Variants in COL5A2 observed in about 807,000 individuals in gnomAD.
The protein encoded by COL5A2 is collagen alpha-2(V) chain.
A neutral mutation model predicts 208.2 loss-of-function variants in COL5A2; 23 were observed. The observed-to-expected ratio is 0.11, with a 90% CI of 0.08 to 0.16. COL5A2 has a LOEUF of 0.16. Ranked by LOEUF, COL5A2 falls within the 10% of genes least tolerant of loss-of-function variation. COL5A2 has a pLI of 1.00. For missense variants in COL5A2, 1,590 were observed against 1,956.4 expected (o/e 0.81, Z 3.53); for synonymous variants, 625 against 628.5 (o/e 0.99, Z 0.08).
the COL5A2 span, among the ~76,000 whole-genome samples, chr2:189,262,868 G>A: frequency 2.0e-5 from 3 of 151,998 alleles, no homozygotes; most frequent in East Asian, 1.9e-4. Context: ...ATATTCATCT[G>A]GTTATTGCAG....
chr2:189,418,341 C>T, the COL5A2 span, among the ~76,000 whole-genome samples: 1 of 152,170 alleles, frequency 6.6e-6, no homozygotes, highest in Non-Finnish European at 1.5e-5. Context: ...ATCTATGACT[C>T]CTCCCTGAGG....
intron 1 of COL5A2, among the ~76,000 whole-genome samples, chr2:189,175,823 G>A (rs1688667829): frequency 6.6e-6 from 1 of 152,090 alleles, no homozygotes; most frequent in Non-Finnish European, 1.5e-5. Context: ...AAAGTGCTGG[G>A]ATTACAGGCA....
chr2:189,140,248 G>A (rs1452780739), intron 1 of COL5A2, among the ~76,000 whole-genome samples: 2 of 151,984 alleles, frequency 1.3e-5, no homozygotes, highest in Admixed American at 1.3e-4. Flanking sequence ...TACATGATAC[G>A]ATACCATATA....
chr2:189,161,869 G>C (rs1045802007), intron 1 of COL5A2, among the ~76,000 whole-genome samples: 3 of 152,212 alleles, frequency 2.0e-5, no homozygotes, highest in Non-Finnish European at 2.9e-5. Context: ...AAAGAAAGAG[G>C]AAGTGCTACC....
chr2:189,190,361 C>T (rs1688908266), intron 1 of COL5A2, among the ~76,000 whole-genome samples: 1 of 152,140 alleles, frequency 6.6e-6, no homozygotes, highest in Non-Finnish European at 1.5e-5. Flanking sequence ...CTTTCAGCAT[C>T]ATCTTCACTT....
the COL5A2 span, among the ~76,000 whole-genome samples, chr2:189,336,238 A>G: frequency 6.6e-6 from 1 of 152,144 alleles, no homozygotes; most frequent in African/African-American, 2.4e-5. Flanking sequence ...GATAAATAAT[A>G]CCAAGTAATG....
intron 37 of COL5A2, among the ~76,000 whole-genome samples, 176 bp from the exon 38 acceptor site, chr2:189,053,653 C>T (rs1268756723): frequency 1.3e-5 from 2 of 152,048 alleles, no homozygotes; most frequent in Non-Finnish European, 2.9e-5. Flanking sequence ...GAACAAAATT[C>T]CCAAGGTCAG....
chr2:189,162,709 G>C (rs1259654556), intron 1 of COL5A2, among the ~76,000 whole-genome samples: 1 of 152,110 alleles, frequency 6.6e-6, no homozygotes, highest in Non-Finnish European at 1.5e-5. Context: ...AATGTTTCAT[G>C]CACTTGAATT....
At chr2:189,271,728 C>G in the COL5A2 span, among the ~76,000 whole-genome samples, 3 of 152,118 alleles carry the variant, frequency 2.0e-5, no homozygotes, top group Non-Finnish European at 4.4e-5. Context: ...AGGCAACCTA[C>G]AGAATAGGAG....
chr2:189,433,528 G>A, the COL5A2 span, among the ~76,000 whole-genome samples: 3 of 151,990 alleles, frequency 2.0e-5, no homozygotes, highest in African/African-American at 7.2e-5. Context: ...GAAATACAAA[G>A]TACCATCAGA....
intron 44 of COL5A2, among the ~76,000 whole-genome samples, chr2:189,048,905 A>T (rs1685725120): frequency 6.6e-6 from 1 of 152,208 alleles, no homozygotes; most frequent in South Asian, 2.1e-4. Context: ...GATATCCATT[A>T]TGTTACTTTA....
chr2:189,409,713 AATTT>A, the COL5A2 span, among the ~76,000 whole-genome samples: 1 of 152,194 alleles, frequency 6.6e-6, no homozygotes, highest in African/African-American at 2.4e-5. Context: ...TATAATACTG[AATTT>A]ATTTGTGACA....
chr2:189,317,046 A>C, the COL5A2 span, among the ~76,000 whole-genome samples: 3 of 152,198 alleles, frequency 2.0e-5, no homozygotes, highest in African/African-American at 7.2e-5. Context: ...TTAACAAGAA[A>C]ATAAAAGCGT....
At chr2:189,321,029 A>C in the COL5A2 span, among the ~76,000 whole-genome samples, 1 of 152,248 alleles carries the variant, frequency 6.6e-6, no homozygotes, top group East Asian at 1.9e-4. Flanking sequence ...CTTAAAGAAA[A>C]GAATTTTCAA....
intron 45 of COL5A2, 144 bp from the exon 46 acceptor site, chr2:189,046,051 CTTATA>C (rs1248487469): frequency 4.0e-6 from 2 of 494,606 alleles, no homozygotes; most frequent in Non-Finnish European, 6.8e-6. Flanking sequence ...AACTATTTTA[CTTATA>C]TTTATTAATT....
At chr2:189,356,599 T>C in the COL5A2 span, among the ~76,000 whole-genome samples, 336 of 152,334 alleles carry the variant, frequency 2.2e-3, no homozygotes, top group Admixed American at 4.4e-3. Flanking sequence ...ATGTATGCTC[T>C]TCTCTAAACT....
At chr2:189,092,441 A>C in intron 6 of COL5A2, 21 bp from the exon 7 acceptor site, 2 of 1,474,404 alleles carry the variant, frequency 1.4e-6, no homozygotes, top group Non-Finnish European at 1.9e-6. Context: ...AGCCAGTTAA[A>C]ATTAGAACCC....
chr2:189,213,726 G>A (rs1290961174), intron 1 of COL5A2, among the ~76,000 whole-genome samples: 1 of 152,154 alleles, frequency 6.6e-6, no homozygotes. Flanking sequence ...GAACCCCAAT[G>A]CCTATAAATA....
the COL5A2 span, among the ~76,000 whole-genome samples, chr2:189,429,764 C>T: frequency 6.6e-6 from 1 of 152,174 alleles, no homozygotes; most frequent in Non-Finnish European, 1.5e-5. Flanking sequence ...TTACCATAGG[C>T]AATATTGACT....
Sources: allele counts gnomAD v4.1 joint callset (sites outside exome capture counted in the v4.1 genomes callset), GRCh38; gene constraint gnomAD v4.1.1; transcripts MANE v1.5; gene names NCBI Gene and HGNC (gene_info 2026-07-23, HGNC 2026-07-21).